The following RAPGEF6 variants were observed in gnomAD, a reference collection of about 807,000 sequenced individuals.
RAPGEF6 encodes the protein Rap guanine nucleotide exchange factor 6.
Under a neutral mutation model 171.4 loss-of-function variants are expected in RAPGEF6, and 56 were observed. The observed-to-expected ratio is 0.33, with a 90% CI of 0.26 to 0.41. RAPGEF6 has a LOEUF of 0.41. Among genes scored for constraint, RAPGEF6 ranks in the 10% least tolerant of loss-of-function variants. The pLI is 1.00. For missense variants in RAPGEF6, 1,674 were observed against 1,921.4 expected (o/e 0.87, Z 2.41); for synonymous variants, 692 against 650.1 (o/e 1.06, Z -0.98).
intron 8 of RAPGEF6, among the ~76,000 whole-genome samples, chr5:131,508,488 G>A (rs1462121875): frequency 5.3e-5 from 8 of 152,150 alleles, no homozygotes; most frequent in East Asian, 1.9e-4. Context: ...AAAGCGGAGC[G>A]TTTATCTAAT....
intron 18 of RAPGEF6, 70 bp downstream of exon 18, chr5:131,463,971 T>C (rs1345714512): frequency 2.7e-6 from 4 of 1,505,068 alleles, no homozygotes; most frequent in African/African-American, 1.4e-5. Context: ...CTACTTACAA[T>C]AGCTGTTTTA....
At chr5:131,445,772 T>A (rs1353399648) in intron 22 of RAPGEF6, among the ~76,000 whole-genome samples, 1 of 152,060 alleles carries the variant, frequency 6.6e-6, no homozygotes, top group East Asian at 1.9e-4. Flanking sequence ...TCTCTTTGAG[T>A]TGCCAAGGCT....
intron 7 of RAPGEF6, chr5:131,511,230 C>T (rs1757698761): frequency 6.6e-6 from 1 of 151,900 alleles, no homozygotes; most frequent in African/African-American, 2.4e-5. Flanking sequence ...ATGAAAATGT[C>T]TTTTAGAAGA....
intron 20 of RAPGEF6, among the ~76,000 whole-genome samples, chr5:131,455,537 C>T (rs185635990): frequency 7.6e-4 from 115 of 152,296 alleles, no homozygotes; most frequent in South Asian, 6.4e-3. Flanking sequence ...GGATTACAGG[C>T]GTGAGCCACC....
At chr5:131,534,829 A>C (rs1019537253) in intron 6 of RAPGEF6, among the ~76,000 whole-genome samples, 1 of 152,058 alleles carries the variant, frequency 6.6e-6, no homozygotes, top group African/African-American at 2.4e-5. Context: ...ATTCAAGAAT[A>C]CCAAGAATTT....
chr5:131,465,424 T>C (rs1419269298), intron 17 of RAPGEF6, among the ~76,000 whole-genome samples: 1 of 152,106 alleles, frequency 6.6e-6, no homozygotes, highest in African/African-American at 2.4e-5. Context: ...CTTTATAGCA[T>C]GAACAAATGC....
At chr5:131,516,197 C>T (rs1394771543) in intron 7 of RAPGEF6, among the ~76,000 whole-genome samples, 1 of 151,228 alleles carries the variant, frequency 6.6e-6, no homozygotes, top group African/African-American at 2.4e-5. Context: ...AAGCGATTCT[C>T]TTGCCTCAGC....
chr5:131,607,103 A>C (rs1223302303), intron 1 of RAPGEF6, among the ~76,000 whole-genome samples: 1 of 152,188 alleles, frequency 6.6e-6, no homozygotes, highest in East Asian at 1.9e-4. Flanking sequence ...CAGTTAGAAT[A>C]CCCTAAATAA....
rs112615127 is a variant in RAPGEF6, at chr5:131,531,492, A to T, written c.496-9971T>A. 1.8e-3 allele frequency among the ~76,000 whole-genome samples: 270 copies of T among 152,308 alleles called. 1 individual carries two copies. The highest frequency in any genetic ancestry group is 5.8e-3 in the African/African-American group (242 of 41,568). Reference sequence around the variant, plus strand: ...TTTTTGTGAGTTATTATGTTTATTTAAAAATGACAAGTATGATAGATGACC... The same window carrying T: ...TTTTTGTGAGTTATTATGTTTATTTTAAAATGACAAGTATGATAGATGACC... On this transcript the variant is annotated intron_variant, in intron 6 of 27. Transcript: ENST00000509018.
intron 1 of RAPGEF6, 28 bp downstream of exon 1, chr5:131,634,934 G>C (rs1170310306): frequency 1.2e-6 from 2 of 1,613,538 alleles, no homozygotes; most frequent in African/African-American, 2.7e-5. Flanking sequence ...TGGACTGTGA[G>C]ACGCACATAA....
rs1757243970 is a variant in RAPGEF6 at position 131,504,782 on chromosome 5, T to C, written c.1102-4A>G. The C allele has an allele frequency of 6.2e-7, 1 of 1,608,774 alleles. No homozygotes were observed. Among genetic ancestry groups the C allele is most frequent in the Non-Finnish European group, 8.5e-7 (1 of 1,177,646 alleles). On this transcript the variant is annotated splice_polypyrimidine_tract_variant and splice_region_variant and intron_variant, in intron 10 of 27. Coordinates refer to ENST00000509018, the MANE Select transcript of RAPGEF6 (RefSeq NM_016340.6). ...CTTGCTGGGCTATGCAGACAAACTG[T>C]CCAAGAACAACATGGGGACAGTTAA...
chr5:131,472,390 T>C, intron 17 of RAPGEF6, 197 bp downstream of exon 17: 19 of 712,508 alleles, frequency 2.7e-5, no homozygotes, highest in South Asian at 2.6e-4. Context: ...CTCTTTTTTA[T>C]GTACTTCTGT....
intron 6 of RAPGEF6, among the ~76,000 whole-genome samples, chr5:131,527,352 A>T (rs1335897308): frequency 2.0e-5 from 3 of 152,206 alleles, no homozygotes; most frequent in Admixed American, 6.5e-5. Context: ...TAATCAGGGA[A>T]ATAAAAACTA....
chr5:131,443,155 C>G (rs1752489287), intron 22 of RAPGEF6, among the ~76,000 whole-genome samples: 1 of 152,138 alleles, frequency 6.6e-6, no homozygotes, highest in South Asian at 2.1e-4. Context: ...GTTGGTCAGT[C>G]TGGTCTCGAA....
At chr5:131,427,504 C>T (rs1222041372) in intron 27 of RAPGEF6, among the ~76,000 whole-genome samples, 2 of 152,066 alleles carry the variant, frequency 1.3e-5, no homozygotes, top group Non-Finnish European at 2.9e-5. Context: ...CATTTTATTA[C>T]TCTTGTTTAA....
Position 131,446,663 on chromosome 5 carries a change from C to G in RAPGEF6, c.3241G>C (p.Val1081Leu), listed in dbSNP as rs371503810. ...CTTTTTTTGTGAGCACCTCCCTGAA[C>G]ATCCAGCATGTTTGAATTTGTGCTT... ...QGSTNSNMLD[V>L]QGGAHKKRAR... The change falls in exon 22 of 28, where the codon GTT becomes CTT. Residue 1081 changes from valine to leucine, a missense_variant. Transcript: ENST00000509018. 1.5e-5 allele frequency: 24 copies of G among 1,614,178 alleles called. No individual in the cohort carries two copies. Among genetic ancestry groups the G allele is most frequent in the Non-Finnish European group, 2.0e-5 (24 of 1,179,982 alleles).
At chr5:131,611,742 T>C (rs544667245) in intron 1 of RAPGEF6, among the ~76,000 whole-genome samples, 104 of 152,344 alleles carry the variant, frequency 6.8e-4, no homozygotes, top group Non-Finnish European at 1.0e-4. Flanking sequence ...ATTGATTCTA[T>C]ATAATAAACT....
intron 5 of RAPGEF6, among the ~76,000 whole-genome samples, chr5:131,551,511 CAAA>C (rs11305566): frequency 1.3e-4 from 14 of 108,864 alleles, no homozygotes; most frequent in Non-Finnish European, 1.4e-4. Context: ...GACTCCATCT[CAAA>C]AAAAAAAAAA....
intron 12 of RAPGEF6, 119 bp downstream of exon 12, chr5:131,498,324 T>TGG (rs1013978658): frequency 1.1e-6 from 1 of 909,920 alleles, no homozygotes; most frequent in African/African-American, 1.7e-5. Flanking sequence ...TCAGGTTCAT[T>TGG]AATTTTTTTA....
Sources: allele counts gnomAD v4.1 joint callset (sites outside exome capture counted in the v4.1 genomes callset), GRCh38; gene constraint gnomAD v4.1.1; transcripts MANE v1.5; gene names NCBI Gene and HGNC (gene_info 2026-07-23, HGNC 2026-07-21).